Variants in FILIP1 observed in about 807,000 individuals in gnomAD.
The protein encoded by FILIP1 is filamin-A-interacting protein 1.
In FILIP1, 61 loss-of-function variants were observed where a neutral mutation model predicts 102.1. That is an observed-to-expected ratio of 0.60 (90% CI 0.49 to 0.74). The LOEUF is 0.74. Among genes scored for constraint, FILIP1 ranks in the 30% least tolerant of loss-of-function variants. The pLI, the probability that FILIP1 is intolerant of heterozygous loss-of-function variation, is 0.00. For synonymous variants in FILIP1, 491 were observed against 526.9 expected, an observed-to-expected ratio of 0.93 and a Z score of 0.93; for missense variants, 1,314 against 1,441.2, an observed-to-expected ratio of 0.91 and a Z score of 1.43.
intron 4 of FILIP1, among the ~76,000 whole-genome samples, chr6:75,345,777 C>G (rs889066464): frequency 2.6e-5 from 4 of 152,132 alleles, no homozygotes; most frequent in Admixed American, 2.0e-4. Flanking sequence ...TCTCTCCTTT[C>G]TTCTGCCTAT....
At chr6:75,417,475 A>G (rs1777306199) in intron 1 of FILIP1, among the ~76,000 whole-genome samples, 1 of 152,222 alleles carries the variant, frequency 6.6e-6, no homozygotes, top group African/African-American at 2.4e-5. Context: ...GCTATAAATA[A>G]TGTACACTTT....
chr6:75,492,345 A>G (rs1290877205), intron 1 of FILIP1, among the ~76,000 whole-genome samples: 2 of 152,208 alleles, frequency 1.3e-5, no homozygotes, highest in Admixed American at 1.3e-4. Flanking sequence ...TTCTTTCTTT[A>G]CATTGATAGA....
At chr6:75,350,400 GT>G (rs10602538) in intron 4 of FILIP1, among the ~76,000 whole-genome samples, 17,720 of 136,352 alleles carry the variant, frequency 0.13, 1,505 homozygotes, top group African/African-American at 0.27. Flanking sequence ...TTTTTTTAAA[GT>G]TTTTTTTTTT....
chr6:75,352,104 A>T (rs1223182067), intron 4 of FILIP1, among the ~76,000 whole-genome samples: 1 of 152,202 alleles, frequency 6.6e-6, no homozygotes, highest in Non-Finnish European at 1.5e-5. Flanking sequence ...ATTACCAATA[A>T]TTTTTTTAAA....
At chr6:75,378,260 G>C (rs1054441050) in intron 2 of FILIP1, among the ~76,000 whole-genome samples, 3 of 152,268 alleles carry the variant, frequency 2.0e-5, no homozygotes, top group Middle Eastern at 3.4e-3. Flanking sequence ...AGGAACACTA[G>C]ACAGCACTTC....
chr6:75,438,248 T>C (rs1271243329), intron 1 of FILIP1, among the ~76,000 whole-genome samples: 1 of 152,232 alleles, frequency 6.6e-6, no homozygotes, highest in Non-Finnish European at 1.5e-5. Flanking sequence ...CATAGTACTA[T>C]GATTTTTGTC....
chr6:75,314,083 T>C lies in FILIP1; in HGVS notation c.1749A>G (p.Glu583=). 6.6e-7 allele frequency: 1 copy of C among 1,504,404 alleles called. No individual in the cohort carries two copies. Among genetic ancestry groups the C allele is most frequent in the Non-Finnish European group, 8.8e-7 (1 of 1,134,546 alleles). The allele number at this position is 1,504,404 out of a possible 1,614,324, so 93.2% of individuals were successfully genotyped here. A position where few individuals can be genotyped will look rare whatever the true frequency, so the allele number is the denominator to read the frequency against. ...TGCAGCTTAATTCAGAGGATTTTTCTTCTTCACTTTTCAATTTGCCTATCA... is the reference window on the plus strand; with the variant it reads ...TGCAGCTTAATTCAGAGGATTTTTCCTCTTCACTTTTCAATTTGCCTATCA... ...DELIGKLKSE[E]EKSSELSCSV... Residue 583 remains glutamate, a synonymous_variant, in exon 5 of 6, where the codon GAA becomes GAG. Transcript: ENST00000237172.
At chr6:75,339,822 C>A (rs896801323) in intron 4 of FILIP1, among the ~76,000 whole-genome samples, 2 of 152,010 alleles carry the variant, frequency 1.3e-5, no homozygotes, top group Admixed American at 1.3e-4. Flanking sequence ...GTGGTGGGCA[C>A]CTGTAGTTCC....
At position 75,313,418 on chromosome 6, in the gene FILIP1, A is replaced by G. The variant is rs773410611; in HGVS notation, c.2414T>C (p.Val805Ala). 1.1e-5 allele frequency: 17 copies of G among 1,613,824 alleles called. No homozygotes were observed. In the East Asian group the frequency reaches 3.8e-4, roughly 36 times the overall value. The change falls in exon 5 of 6, where the codon GTC (valine) becomes GCC (alanine). Residue 805 changes from valine to alanine, a missense_variant. By Grantham distance (64) the Val-to-Ala change is moderately conservative (BLOSUM62 0). Transcript: ENST00000237172. This position sits in a 1 kb window ranked among gnomAD's most constrained non-coding sequence, Gnocchi z 4.2. ...TTCACCGCTGACTGCATCAGTTTGG[A>G]CTCCAGTTGACGTCACAGGAACATC... is the stretch of plus-strand genomic sequence containing the variant. ...MVDVPVTSTG[V>A]QTDAVSGEAA...
intron 1 of FILIP1, among the ~76,000 whole-genome samples, chr6:75,492,550 A>T (rs1224507352): frequency 6.6e-6 from 1 of 152,184 alleles, no homozygotes; most frequent in East Asian, 1.9e-4. Context: ...CATATTCAAC[A>T]TGAAATTGGT....
intron 2 of FILIP1, among the ~76,000 whole-genome samples, chr6:75,400,550 GA>G (rs1319958389): frequency 1.3e-5 from 2 of 152,168 alleles, no homozygotes; most frequent in African/African-American, 4.8e-5. Context: ...GAGAAGGTTA[GA>G]AAAAGGTGAC....
chr6:75,372,695 GAGAAA>G (rs1775589686), intron 2 of FILIP1, among the ~76,000 whole-genome samples: 1 of 28,342 alleles, frequency 3.5e-5, no homozygotes, highest in African/African-American at 2.1e-4. Context: ...GAGAAAGAAA[GAGAAA>G]GAAAGAAAGA....
intron 1 of FILIP1, among the ~76,000 whole-genome samples, chr6:75,485,919 C>A (rs12176377): frequency 0.32 from 47,666 of 151,012 alleles, 8,519 homozygotes; most frequent in East Asian, 0.58. Flanking sequence ...CAATAACAAG[C>A]CTTTATGTGG....
exon 7 of FILIP1, chr6:75,295,855 T>C: frequency 8.1e-7 from 1 of 1,229,172 alleles, no homozygotes; most frequent in Non-Finnish European, 1.0e-6. Flanking sequence ...GGGCTGTCCA[T>C]TCAATAGGGA....
chr6:75,299,428 C>A (rs1318656189), intron 6 of FILIP1, among the ~76,000 whole-genome samples: 1 of 152,178 alleles, frequency 6.6e-6, no homozygotes, highest in Admixed American at 6.5e-5. Flanking sequence ...CCACCTCTGT[C>A]AGCAAACTCA....
chr6:75,322,957 G>T (rs906225269), intron 4 of FILIP1, among the ~76,000 whole-genome samples: 2 of 152,172 alleles, frequency 1.3e-5, no homozygotes, highest in Non-Finnish European at 2.9e-5. Context: ...GCCTCCCAAA[G>T]TGCTGGGATT....
At chr6:75,292,526 T>C (rs2149528641) in exon 7 of FILIP1, 1 of 152,326 alleles carries the variant, frequency 6.6e-6, no homozygotes, top group African/African-American at 2.4e-5. Context: ...GAAATACTAA[T>C]GGTTACTAGG....
chr6:75,393,453 T>C (rs1776352232), intron 2 of FILIP1, among the ~76,000 whole-genome samples: 1 of 152,064 alleles, frequency 6.6e-6, no homozygotes. Context: ...TTTTAAAAAG[T>C]AAAAAAGAAT....
At position 75,429,705 on chromosome 6, in the gene FILIP1, G is replaced by A. The variant is rs184581784; in HGVS notation, c.-6-14727C>T. Among the ~76,000 whole-genome samples the A allele has an allele frequency of 5.9e-5, 9 of 152,252 alleles. No homozygotes were observed. The East Asian group carries it at 1.7e-3, about 29-fold the overall frequency. ...GAAGGCCTAAGGAACATGCCCTGGG[G>A]ACCACCTCTTAAATTAACCTGGCAG... On this transcript the variant is annotated intron_variant, in intron 1 of 5. Transcript: ENST00000237172.
Sources: allele counts gnomAD v4.1 joint callset (sites outside exome capture counted in the v4.1 genomes callset), GRCh38; gene constraint gnomAD v4.1.1; non-coding constraint Gnocchi (gnomAD v3.1); transcripts MANE v1.5; gene names NCBI Gene and HGNC (gene_info 2026-07-23, HGNC 2026-07-21).